The following PTPRG variants were observed in gnomAD, a reference collection of about 807,000 sequenced individuals.
PTPRG encodes the protein protein tyrosine phosphatase receptor type G.
In PTPRG, 102 loss-of-function variants were observed where a neutral mutation model predicts 165.3. The observed-to-expected ratio is 0.62, with a 90% CI of 0.53 to 0.73. PTPRG has a LOEUF of 0.73. PTPRG is among the 30% of genes least tolerant of loss of function. The probability of loss-of-function intolerance (pLI) is 0.00; values close to 1 mark genes in which losing one functional copy is unlikely to be tolerated. For missense variants in PTPRG, 1,866 were observed against 1,861.4 expected (o/e 1.00, Z -0.05); for synonymous variants, 675 against 669.5 (o/e 1.01, Z -0.13).
At chr3:61,766,558 A>AG (rs2034021610) in intron 2 of PTPRG, among the ~76,000 whole-genome samples, 1 of 152,150 alleles carries the variant, frequency 6.6e-6, no homozygotes, top group Non-Finnish European at 1.5e-5. Context: ...CATTATAGAA[A>AG]GGAAACTTTG....
At chr3:62,090,582 A>G (rs1005006631) in intron 5 of PTPRG, among the ~76,000 whole-genome samples, 4 of 152,224 alleles carry the variant, frequency 2.6e-5, no homozygotes, top group South Asian at 2.1e-4. Context: ...CGACTAAAAC[A>G]GATCAGACAG....
intron 4 of PTPRG, among the ~76,000 whole-genome samples, chr3:62,004,604 C>G (rs1046784159): frequency 6.6e-6 from 1 of 152,234 alleles, no homozygotes; most frequent in Non-Finnish European, 1.5e-5. Flanking sequence ...TCCATCTCTT[C>G]TCTCGACTGC....
chr3:61,922,187 A>G (rs1023811289), intron 2 of PTPRG, among the ~76,000 whole-genome samples: 1 of 152,206 alleles, frequency 6.6e-6, no homozygotes, highest in Admixed American at 6.5e-5. Context: ...CAAAAGTACT[A>G]AAATCACTTC....
chr3:62,176,053 A>G (rs1300853825), intron 8 of PTPRG, among the ~76,000 whole-genome samples: 1 of 150,410 alleles, frequency 6.6e-6, no homozygotes, highest in African/African-American at 2.5e-5. Flanking sequence ...GGACTCTGGA[A>G]TAATCACAAC....
intron 4 of PTPRG, among the ~76,000 whole-genome samples, chr3:62,020,798 C>T (rs995998801): frequency 4.0e-5 from 6 of 151,492 alleles, no homozygotes; most frequent in Admixed American, 1.3e-4. Context: ...ACTGCAGCCT[C>T]GAACTCCTGG....
chr3:62,099,366 A>G (rs1702213543), intron 5 of PTPRG, among the ~76,000 whole-genome samples: 1 of 152,196 alleles, frequency 6.6e-6, no homozygotes, highest in Non-Finnish European at 1.5e-5. Flanking sequence ...AGGCCTGAAA[A>G]TTAATTCTAA....
chr3:62,090,199 A>G lies in PTPRG; in HGVS notation c.615+11941A>G, dbSNP rs575351991. 2.6e-5 allele frequency among the ~76,000 whole-genome samples: 4 copies of G among 152,260 alleles called. No homozygotes were observed. The South Asian group carries it at 6.2e-4, about 24-fold the overall frequency. The stretch of plus-strand genomic sequence containing the variant: ...CACTTCCAGGGACTTCTCCATCCAT[A>G]TTACTGAGGTCTTACTCAACACTGT... On this transcript the variant is annotated intron_variant, in intron 5 of 29. Transcript: ENST00000474889.
intron 2 of PTPRG, among the ~76,000 whole-genome samples, chr3:61,976,595 T>C (rs540880159): frequency 6.6e-6 from 1 of 152,166 alleles, no homozygotes; most frequent in Non-Finnish European, 1.5e-5. Context: ...TAATAAATTG[T>C]CTCATTTTTA....
chr3:61,891,573 A>G (rs1030606291), intron 2 of PTPRG, among the ~76,000 whole-genome samples: 1 of 152,236 alleles, frequency 6.6e-6, no homozygotes, highest in African/African-American at 2.4e-5. Flanking sequence ...GTGAACGGAG[A>G]CAGAATTGAA....
chr3:62,255,281 A>T lies in PTPRG; in HGVS notation c.2559+66A>T, dbSNP rs1701513237. On this transcript the variant is annotated intron_variant, in intron 16 of 29. Transcript: ENST00000474889. The surrounding 1 kb of genome is among the most constrained non-coding windows in gnomAD (Gnocchi z 4.0). ...TCTTACTTTATGCAGATTTTTGTAA[A>T]CTTGAACTGAATTCATTCCAAGCAT... 8.8e-6 allele frequency: 11 copies of T among 1,249,238 alleles called. No individual in the cohort carries two copies. The highest frequency in any genetic ancestry group is 2.0e-5 in the Admixed American group (1 of 50,132). The allele number at this position is 1,249,238 out of a possible 1,614,324, so 77.4% of individuals were successfully genotyped here.
intron 2 of PTPRG, among the ~76,000 whole-genome samples, chr3:61,936,017 A>T (rs976815199): frequency 5.3e-5 from 8 of 152,072 alleles, no homozygotes; most frequent in Non-Finnish European, 8.8e-5. Context: ...TATAAAAGAG[A>T]TTAAAGTTGA....
rs150316624 is a variant in PTPRG, at chr3:62,115,757, G to A, written c.616-16845G>A. Among the ~76,000 whole-genome samples the A allele has an allele frequency of 9.9e-3, 1,508 of 151,798 alleles. 19 individuals carry two copies. Among genetic ancestry groups the A allele is most frequent in the African/African-American group, 0.034 (1,422 of 41,360 alleles). ...TTTCCATTTTGCCCAGGCAGGTCTTGAACTCCTGGGCTCAAGGGATCCACC... is the reference window on the plus strand; with the variant it reads ...TTTCCATTTTGCCCAGGCAGGTCTTAAACTCCTGGGCTCAAGGGATCCACC... On this transcript the variant is annotated intron_variant, in intron 5 of 29. Transcript: ENST00000474889.
At chr3:62,098,434 G>A (rs1983164) in intron 5 of PTPRG, among the ~76,000 whole-genome samples, 2,881 of 152,278 alleles carry the variant, frequency 0.019, 40 homozygotes, top group Non-Finnish European at 0.029. Flanking sequence ...TTATGCATCT[G>A]TGGATTTGGG....
At chr3:61,621,051 A>ATATATATGTGTGTGTGTGTGTGTGTG in intron 1 of PTPRG, among the ~76,000 whole-genome samples, 17 of 117,942 alleles carry the variant, frequency 1.4e-4, no homozygotes, top group African/African-American at 4.5e-4. Flanking sequence ...ATATATATAT[A>ATATATATGTGTGTGTGTGTGTGTGTG]TGTGTGTGTG....
At chr3:61,926,413 A>G (rs2039211905) in intron 2 of PTPRG, among the ~76,000 whole-genome samples, 1 of 151,910 alleles carries the variant, frequency 6.6e-6, no homozygotes, top group African/African-American at 2.4e-5. Flanking sequence ...CAGCCATGTG[A>G]TACGTGTGCC....
intron 1 of PTPRG, among the ~76,000 whole-genome samples, chr3:61,592,560 T>A (rs1427832957): frequency 1.3e-5 from 2 of 152,090 alleles, no homozygotes; most frequent in African/African-American, 4.8e-5. Flanking sequence ...TTTAGCCTAA[T>A]CAAAATAGTT....
intron 1 of PTPRG, among the ~76,000 whole-genome samples, chr3:61,618,116 G>A (rs1016252421): frequency 2.0e-5 from 3 of 152,278 alleles, no homozygotes; most frequent in Non-Finnish European, 4.4e-5. Context: ...CACTGAAGCC[G>A]TGTGCTTTTT....
At chr3:61,835,760 C>T (rs1222413274) in intron 2 of PTPRG, among the ~76,000 whole-genome samples, 5 of 151,574 alleles carry the variant, frequency 3.3e-5, no homozygotes, top group South Asian at 2.1e-4. Context: ...ACACGTGGGC[C>T]GGGCACAGTG....
chr3:61,644,614 A>G (rs1702153196), intron 1 of PTPRG, among the ~76,000 whole-genome samples: 1 of 152,084 alleles, frequency 6.6e-6, no homozygotes, highest in Non-Finnish European at 1.5e-5. Context: ...TTCCATCTCT[A>G]TCCGAAATAG....
Sources: allele counts gnomAD v4.1 joint callset (sites outside exome capture counted in the v4.1 genomes callset), GRCh38; gene constraint gnomAD v4.1.1; non-coding constraint Gnocchi (gnomAD v3.1); transcripts MANE v1.5; gene names NCBI Gene and HGNC (gene_info 2026-07-23, HGNC 2026-07-21).